Variants in ELF1 observed in about 807,000 individuals in gnomAD.
ELF1 encodes the protein E74 like ETS transcription factor 1.
In ELF1, 24 loss-of-function variants were observed where a neutral mutation model predicts 59.9. The ratio of observed to expected loss-of-function variants is 0.40; its 90% CI spans 0.29 to 0.56. The LOEUF (loss-of-function observed/expected upper bound fraction) is 0.56, where lower values mean the gene tolerates loss of function less well. ELF1 is among the 20% of genes least tolerant of loss of function. The pLI is 0.44. For synonymous variants in ELF1, 248 were observed against 266.2 expected (o/e 0.93, Z 0.67); for missense variants, 627 against 742.2 (o/e 0.84, Z 1.80).
chr13:40,961,903 C>T (rs796160736), intron 2 of ELF1, among the ~76,000 whole-genome samples: 78 of 152,302 alleles, frequency 5.1e-4, no homozygotes, highest in African/African-American at 1.7e-3. Flanking sequence ...GCAGTTCTCA[C>T]CCAAATGAAA....
chr13:40,956,432 T>C (rs893879268), intron 3 of ELF1, among the ~76,000 whole-genome samples: 2 of 152,072 alleles, frequency 1.3e-5, no homozygotes, highest in Non-Finnish European at 2.9e-5. Flanking sequence ...ACACAAACAC[T>C]GTGGAAGGCC....
chr13:41,024,487 A>T (rs543431625), intron 1 of ELF1, among the ~76,000 whole-genome samples: 41 of 152,010 alleles, frequency 2.7e-4, no homozygotes, highest in Non-Finnish European at 5.3e-4. Context: ...CAATGTGGTT[A>T]TTTTTTGTAT....
chr13:40,985,063 T>C lies in ELF1; in HGVS notation c.-228-2781A>G, dbSNP rs182991818. ...TTGCAGCAGAAAAAGACACTTTTGCTCTGGCATGTAGCTTTTGCTTATTTC... is the reference window on the plus strand; with the variant it reads ...TTGCAGCAGAAAAAGACACTTTTGCCCTGGCATGTAGCTTTTGCTTATTTC... On this transcript the variant is annotated intron_variant, in intron 1 of 8. Transcript: ENST00000239882. Among the ~76,000 whole-genome samples, 3 of 152,302 alleles carry C rather than the reference T, an allele frequency of 2.0e-5. No homozygotes were observed. The East Asian group carries it at 5.8e-4, about 29-fold the overall frequency.
At chr13:41,040,805 CA>C (rs1388738534) in intron 1 of ELF1, among the ~76,000 whole-genome samples, 1 of 152,110 alleles carries the variant, frequency 6.6e-6, no homozygotes, top group Non-Finnish European at 1.5e-5. Flanking sequence ...GATCCCTGCA[CA>C]AAGAGTTAAC....
exon 1 of ELF1, chr13:41,060,929 C>CGCTGCTGCTGCTGCT (rs1593420643): frequency 5.5e-6 from 2 of 363,528 alleles, no homozygotes; most frequent in African/African-American, 4.6e-5. Context: ...CCGCCGCCGC[C>CGCTGCTGCTGCTGCT]GCCGCCGCCG....
chr13:41,043,418 T>C (rs1876707003), intron 1 of ELF1, among the ~76,000 whole-genome samples: 1 of 152,228 alleles, frequency 6.6e-6, no homozygotes, highest in Non-Finnish European at 1.5e-5. Flanking sequence ...GGTTTTCTTC[T>C]AGGGTTTTTA....
At chr13:40,987,902 T>G (rs1485153539) in intron 1 of ELF1, among the ~76,000 whole-genome samples, 1 of 152,040 alleles carries the variant, frequency 6.6e-6, no homozygotes, top group African/African-American at 2.4e-5. Flanking sequence ...CAGATAGTCA[T>G]GGTAAGAAAT....
At position 40,942,975 on chromosome 13, in the gene ELF1, A is replaced by C. The variant is rs976836424; in HGVS notation, c.783T>G (p.Tyr261Ter). Residue 261 changes from tyrosine to a stop codon, truncating the protein, a stop_gained, in exon 7 of 9, where the codon TAT becomes TAG. Coordinates refer to ENST00000239882, the MANE Select transcript of ELF1 (RefSeq NM_172373.4). LOFTEE classifies it high-confidence loss of function. ...GKHKNKPDMN[Y>*]ETMGRALRYY... ...ACCTGAGTGCTCTTCCCATGGTCTCATAATTCATATCAGGTTTGTTTTTGT... is the reference window on the plus strand; with the variant it reads ...ACCTGAGTGCTCTTCCCATGGTCTCCTAATTCATATCAGGTTTGTTTTTGT... 6.2e-7 allele frequency: 1 copy of C among 1,605,864 alleles called. No individual in the cohort carries two copies. Among genetic ancestry groups the C allele is most frequent in the Non-Finnish European group, 8.5e-7 (1 of 1,175,784 alleles).
chr13:41,060,743 A>C (rs560700729), intron 1 of ELF1: 7 of 168,770 alleles, frequency 4.1e-5, no homozygotes, highest in South Asian at 1.4e-4. Flanking sequence ...AAGCGTTCCC[A>C]TACCGGGAGT....
rs1045824231 is a variant in ELF1, at chr13:40,998,052, C to T, written c.-228-15770G>A. On this transcript the variant is annotated intron_variant, in intron 1 of 8. Coordinates refer to ENST00000239882, the MANE Select transcript of ELF1 (RefSeq NM_172373.4). The stretch of plus-strand genomic sequence containing the variant: ...TCTCAGCTTACCCGTGAGGTTGAGG[C>T]GGGAGGATCACTTCAGCCCAAAAGG... 9.2e-5 allele frequency among the ~76,000 whole-genome samples: 14 copies of T among 152,132 alleles called. No homozygotes were observed. In the South Asian group the frequency reaches 1.0e-3, roughly 11 times the overall value.
chr13:40,975,839 A>G (rs938151794), intron 2 of ELF1, among the ~76,000 whole-genome samples: 2 of 152,206 alleles, frequency 1.3e-5, no homozygotes, highest in Non-Finnish European at 2.9e-5. Context: ...GAGATCACTT[A>G]TTCAACAGAT....
intron 1 of ELF1, among the ~76,000 whole-genome samples, chr13:41,035,947 T>A (rs752995058): frequency 8.6e-5 from 13 of 151,128 alleles, no homozygotes; most frequent in Non-Finnish European, 1.6e-4. Flanking sequence ...TCACCCAGGC[T>A]GAAGTACAGT....
chr13:41,061,273 T>C (rs897835946), exon 1 of ELF1: 47 of 300,600 alleles, frequency 1.6e-4, no homozygotes, highest in South Asian at 8.6e-4. Context: ...CCAGCGAGCC[T>C]AGAAGGAGGA....
At chr13:40,937,374 A>C (rs1483124426) in intron 8 of ELF1, among the ~76,000 whole-genome samples, 1 of 152,244 alleles carries the variant, frequency 6.6e-6, no homozygotes, top group African/African-American at 2.4e-5. Flanking sequence ...GCCAAGTGGA[A>C]GGTTAAATAT....
At chr13:40,968,317 C>T (rs942535792) in intron 2 of ELF1, among the ~76,000 whole-genome samples, 4 of 152,130 alleles carry the variant, frequency 2.6e-5, no homozygotes, top group African/African-American at 9.7e-5. Flanking sequence ...TGGATAAACA[C>T]ACACAAAAAA....
intron 1 of ELF1, among the ~76,000 whole-genome samples, chr13:41,040,179 C>T (rs139272599): frequency 5.3e-5 from 8 of 152,098 alleles, no homozygotes; most frequent in Admixed American, 2.0e-4. Flanking sequence ...AATAAATACA[C>T]GTGCAAAGAT....
chr13:41,019,998 A>T (rs569641632), upstream of ELF1, among the ~76,000 whole-genome samples: 4 of 152,362 alleles, frequency 2.6e-5, no homozygotes, highest in East Asian at 5.8e-4. Context: ...AAACCCTTTT[A>T]AAAAAGTATT....
intron 1 of ELF1, among the ~76,000 whole-genome samples, chr13:41,050,336 C>T (rs1877034172): frequency 6.6e-6 from 1 of 152,084 alleles, no homozygotes; most frequent in Non-Finnish European, 1.5e-5. Context: ...GTCAGAATTT[C>T]CTTCCTTTTT....
upstream of ELF1, among the ~76,000 whole-genome samples, chr13:41,019,673 G>A (rs1266463521): frequency 6.6e-6 from 1 of 152,142 alleles, no homozygotes; most frequent in Non-Finnish European, 1.5e-5. Flanking sequence ...AAGTATGAAA[G>A]GGGATGGAAG....
Sources: allele counts gnomAD v4.1 joint callset (sites outside exome capture counted in the v4.1 genomes callset), GRCh38; gene constraint gnomAD v4.1.1; transcripts MANE v1.5; gene names NCBI Gene and HGNC (gene_info 2026-07-23, HGNC 2026-07-21).